The following UNC5C variants were observed in gnomAD, a reference collection of about 807,000 sequenced individuals.
UNC5C encodes the protein unc-5 netrin receptor C.
Under a neutral mutation model 99.8 loss-of-function variants are expected in UNC5C, and 47 were observed. The ratio of observed to expected loss-of-function variants is 0.47; its 90% CI spans 0.37 to 0.60. The LOEUF (loss-of-function observed/expected upper bound fraction) is 0.60, where lower values mean the gene tolerates loss of function less well. Among genes scored for constraint, UNC5C ranks in the 20% least tolerant of loss-of-function variants. UNC5C has a pLI of 0.00. For missense variants in UNC5C, 1,062 were observed against 1,165.9 expected, an observed-to-expected ratio of 0.91 and a Z score of 1.30; for synonymous variants, 487 against 452.2, an observed-to-expected ratio of 1.08 and a Z score of -0.98.
chr4:95,338,361 A>G (rs1338152602), intron 1 of UNC5C, among the ~76,000 whole-genome samples: 5 of 152,098 alleles, frequency 3.3e-5, no homozygotes, highest in African/African-American at 1.2e-4. Context: ...AAGTTTTGAA[A>G]ATGAAACAAG....
intron 4 of UNC5C, among the ~76,000 whole-genome samples, chr4:95,275,258 C>G (rs1239475832): frequency 6.6e-6 from 1 of 152,116 alleles, no homozygotes; most frequent in Admixed American, 6.6e-5. Flanking sequence ...GCATACCCCA[C>G]AGTGCCAAGA....
intron 4 of UNC5C, among the ~76,000 whole-genome samples, chr4:95,258,746 C>CTCT (rs1740103233): frequency 7.9e-5 from 6 of 76,054 alleles, no homozygotes; most frequent in South Asian, 1.1e-3. Context: ...CCATCTTATT[C>CTCT]TTTTTTTTTT....
At chr4:95,541,196 A>G (rs1187186080) in intron 1 of UNC5C, among the ~76,000 whole-genome samples, 1 of 152,164 alleles carries the variant, frequency 6.6e-6, no homozygotes, top group African/African-American at 2.4e-5. Context: ...TGGTCCAAAA[A>G]CATTAAATGG....
intron 1 of UNC5C, among the ~76,000 whole-genome samples, chr4:95,363,592 T>C (rs1324030326): frequency 2.0e-5 from 3 of 152,212 alleles, no homozygotes; most frequent in Non-Finnish European, 4.4e-5. Context: ...TTTGCTTGTC[T>C]CTTGTCAGTC....
At chr4:95,359,495 A>G (rs1404271220) in intron 1 of UNC5C, among the ~76,000 whole-genome samples, 5 of 152,078 alleles carry the variant, frequency 3.3e-5, no homozygotes, top group Non-Finnish European at 5.9e-5. Flanking sequence ...CTAAAAAAAA[A>G]AAAGGTGAGA....
intron 7 of UNC5C, among the ~76,000 whole-genome samples, chr4:95,225,734 A>G (rs774786564): frequency 3.3e-5 from 5 of 152,194 alleles, no homozygotes; most frequent in Non-Finnish European, 7.3e-5. Flanking sequence ...ATTTTCCTAC[A>G]TGGGAAAATT....
At chr4:95,486,621 A>AGT (rs1721336432) in intron 1 of UNC5C, among the ~76,000 whole-genome samples, 2 of 151,346 alleles carry the variant, frequency 1.3e-5, no homozygotes, top group Non-Finnish European at 3.0e-5. Context: ...AACTGCTACC[A>AGT]GAGTTATTAT....
At position 95,165,772 on chromosome 4, in the gene UNC5C, A is replaced by G. The variant is rs1735836043; in HGVS notation, c.*3462T>C. ...CATTTCCAAAGATAAATATTAAGGA[A>G]CTAAAAGGAGATTTAAAGTATACAA... On this transcript the variant is annotated 3_prime_UTR_variant, in exon 16 of 16. Transcript: ENST00000453304. 6.6e-6 allele frequency: 1 copy of G among 152,216 alleles called. No homozygotes were observed. The highest frequency in any genetic ancestry group is 6.5e-5 in the Admixed American group (1 of 15,282). 9.4% of individuals were successfully genotyped at this position (152,216 alleles called of 1,614,324 possible). A position where few individuals can be genotyped will look rare whatever the true frequency, so the allele number is the denominator to read the frequency against.
At chr4:95,295,111 T>C (rs1241538958) in intron 3 of UNC5C, among the ~76,000 whole-genome samples, 1 of 152,202 alleles carries the variant, frequency 6.6e-6, no homozygotes, top group Non-Finnish European at 1.5e-5. Flanking sequence ...AGCGGCACTA[T>C]TGAAACCCAA....
intron 12 of UNC5C, among the ~76,000 whole-genome samples, chr4:95,188,276 G>A (rs868792228): frequency 6.6e-6 from 1 of 152,056 alleles, no homozygotes; most frequent in Non-Finnish European, 1.5e-5. Context: ...ACCCCTTCCC[G>A]CAAAGTGGCA....
intron 2 of UNC5C, among the ~76,000 whole-genome samples, chr4:95,330,297 T>A (rs1401540161): frequency 6.6e-6 from 1 of 152,102 alleles, no homozygotes; most frequent in Non-Finnish European, 1.5e-5. Flanking sequence ...CCAAATTATT[T>A]TTAATAAAAT....
intron 1 of UNC5C, among the ~76,000 whole-genome samples, chr4:95,509,156 GATT>G (rs1374849255): frequency 2.6e-5 from 4 of 151,784 alleles, no homozygotes; most frequent in East Asian, 1.9e-4. Flanking sequence ...GTTTATTCTC[GATT>G]ATTATCACAA....
chr4:95,330,584 T>G (rs1284987379), intron 2 of UNC5C, among the ~76,000 whole-genome samples: 2 of 152,142 alleles, frequency 1.3e-5, no homozygotes, highest in Non-Finnish European at 2.9e-5. Flanking sequence ...ACAAATTTTT[T>G]ATCACCTATT....
At chr4:95,383,776 G>T (rs1214785294) in intron 1 of UNC5C, among the ~76,000 whole-genome samples, 1 of 152,060 alleles carries the variant, frequency 6.6e-6, no homozygotes, top group East Asian at 1.9e-4. Flanking sequence ...ATCCATATTT[G>T]CTAACTTAAT....
intron 1 of UNC5C, among the ~76,000 whole-genome samples, chr4:95,529,443 C>A (rs1020209459): frequency 1.3e-5 from 2 of 150,990 alleles, no homozygotes; most frequent in African/African-American, 4.9e-5. Flanking sequence ...TTTTAGAATA[C>A]CAGCCAGGTG....
intron 3 of UNC5C, among the ~76,000 whole-genome samples, chr4:95,292,094 A>G (rs893971548): frequency 1.3e-5 from 2 of 151,648 alleles, no homozygotes; most frequent in Non-Finnish European, 2.9e-5. Flanking sequence ...TGCCAAGTAG[A>G]GTAGACAGGT....
At chr4:95,541,474 ATTTC>A (rs1722919100) in intron 1 of UNC5C, among the ~76,000 whole-genome samples, 1 of 152,154 alleles carries the variant, frequency 6.6e-6, no homozygotes, top group Admixed American at 6.6e-5. Flanking sequence ...CTGCACATGA[ATTTC>A]TTTTACTTGT....
At chr4:95,412,488 T>C (rs1746023033) in intron 1 of UNC5C, among the ~76,000 whole-genome samples, 1 of 152,142 alleles carries the variant, frequency 6.6e-6, no homozygotes, top group Admixed American at 6.5e-5. Context: ...GAGGTTGTTT[T>C]TCAAGTATTG....
chr4:95,231,972 A>G (rs1380199438), intron 7 of UNC5C, among the ~76,000 whole-genome samples: 1 of 152,192 alleles, frequency 6.6e-6, no homozygotes, highest in Admixed American at 6.5e-5. Context: ...CCTGCTGAGG[A>G]CAATGGCCAC....
Sources: allele counts gnomAD v4.1 joint callset (sites outside exome capture counted in the v4.1 genomes callset), GRCh38; gene constraint gnomAD v4.1.1; transcripts MANE v1.5; gene names NCBI Gene and HGNC (gene_info 2026-07-23, HGNC 2026-07-21).